The following CDH18 variants were observed in gnomAD, a reference collection of about 807,000 sequenced individuals.
The protein encoded by CDH18 is cadherin-18.
In CDH18, 31 loss-of-function variants were observed where a neutral mutation model predicts 67.9. The observed-to-expected ratio is 0.46, with a 90% CI of 0.34 to 0.62. The LOEUF (loss-of-function observed/expected upper bound fraction) is 0.62, where lower values mean the gene tolerates loss of function less well. Ranked by LOEUF, CDH18 falls within the 20% of genes least tolerant of loss-of-function variation. CDH18 has a pLI of 0.01. For synonymous variants in CDH18, 362 were observed against 347.2 expected, an observed-to-expected ratio of 1.04 and a Z score of -0.48; for missense variants, 890 against 975.5, an observed-to-expected ratio of 0.91 and a Z score of 1.17.
chr5:19,794,190 G>A (rs940601681), intron 3 of CDH18, among the ~76,000 whole-genome samples: 1 of 152,000 alleles, frequency 6.6e-6, no homozygotes, highest in African/African-American at 2.4e-5. Flanking sequence ...CATCCTGACT[G>A]GGCTAAGGGA....
chr5:19,588,257 A>G (rs1232814895), intron 7 of CDH18, among the ~76,000 whole-genome samples: 1 of 152,014 alleles, frequency 6.6e-6, no homozygotes, highest in Admixed American at 6.6e-5. Flanking sequence ...CTCTCTTCCT[A>G]TCTGAATACC....
intron 1 of CDH18, among the ~76,000 whole-genome samples, chr5:20,345,917 A>G (rs551971183): frequency 2.0e-4 from 31 of 152,270 alleles, no homozygotes; most frequent in African/African-American, 7.5e-4. Flanking sequence ...GAATGTCACA[A>G]ATTATGCATG....
chr5:20,526,293 G>C (rs1756054727), intron 1 of CDH18, among the ~76,000 whole-genome samples: 1 of 152,066 alleles, frequency 6.6e-6, no homozygotes, highest in Non-Finnish European at 1.5e-5. Context: ...GCGGGGAGGG[G>C]CAGCCATGGT....
intron 10 of CDH18, among the ~76,000 whole-genome samples, chr5:19,517,322 T>G (rs188060085): frequency 6.6e-6 from 1 of 152,272 alleles, no homozygotes; most frequent in East Asian, 1.9e-4. Context: ...CAAATTGGAT[T>G]TTATCTTCTG....
chr5:20,003,624 G>A (rs1736628586), intron 2 of CDH18, among the ~76,000 whole-genome samples: 1 of 152,006 alleles, frequency 6.6e-6, no homozygotes, highest in African/African-American at 2.4e-5. Context: ...GCCGGTCGCG[G>A]TGGCTCAAGC....
At chr5:20,193,663 C>T (rs754130790) in intron 2 of CDH18, among the ~76,000 whole-genome samples, 5 of 152,062 alleles carry the variant, frequency 3.3e-5, no homozygotes, top group Non-Finnish European at 5.9e-5. Flanking sequence ...AAACTTAATG[C>T]CAATATCCCT....
intron 9 of CDH18, among the ~76,000 whole-genome samples, chr5:19,526,662 G>A (rs1252324879): frequency 6.6e-6 from 1 of 151,918 alleles, no homozygotes; most frequent in Non-Finnish European, 1.5e-5. Context: ...ATTTAAATAT[G>A]TGCCACCCAA....
intron 2 of CDH18, among the ~76,000 whole-genome samples, chr5:19,843,863 T>C (rs1782622201): frequency 6.6e-6 from 1 of 152,198 alleles, no homozygotes; most frequent in South Asian, 2.1e-4. Flanking sequence ...TTAATGACTG[T>C]CCCGCTAGAT....
At chr5:20,301,701 A>G (rs1735921873) in intron 1 of CDH18, among the ~76,000 whole-genome samples, 1 of 152,172 alleles carries the variant, frequency 6.6e-6, no homozygotes, top group Non-Finnish European at 1.5e-5. Flanking sequence ...GCTCTCAGTG[A>G]AAACTTGTTT....
chr5:19,734,710 C>G (rs1282567437), intron 4 of CDH18, among the ~76,000 whole-genome samples: 1 of 152,110 alleles, frequency 6.6e-6, no homozygotes. Flanking sequence ...GTGCTGCCCA[C>G]CCCCTGCCCA....
intron 2 of CDH18, among the ~76,000 whole-genome samples, chr5:19,923,482 T>C (rs968609584): frequency 1.6e-4 from 24 of 152,198 alleles, no homozygotes; most frequent in African/African-American, 5.8e-4. Flanking sequence ...ACTATCTTTG[T>C]CATTTACCTA....
At chr5:20,284,265 TAAAG>T (rs1308234657) in intron 1 of CDH18, among the ~76,000 whole-genome samples, 4 of 152,088 alleles carry the variant, frequency 2.6e-5, no homozygotes, top group South Asian at 2.1e-4. Context: ...GTTTGTCACA[TAAAG>T]AAAGGATACA....
At chr5:20,102,028 G>T (rs1215546492) in intron 2 of CDH18, among the ~76,000 whole-genome samples, 2 of 152,078 alleles carry the variant, frequency 1.3e-5, no homozygotes, top group East Asian at 1.9e-4. Flanking sequence ...CTGAGATCGC[G>T]CCACTGTACT....
At chr5:19,514,218 G>T (rs1745570079) in intron 10 of CDH18, among the ~76,000 whole-genome samples, 1 of 152,136 alleles carries the variant, frequency 6.6e-6, no homozygotes, top group African/African-American at 2.4e-5. Context: ...GTGTATATGT[G>T]CCACATTTTC....
intron 2 of CDH18, among the ~76,000 whole-genome samples, chr5:19,969,825 C>T (rs1797848219): frequency 6.6e-6 from 1 of 151,548 alleles, no homozygotes; most frequent in African/African-American, 2.4e-5. Flanking sequence ...GCACATGTAC[C>T]CTAAAACTTA....
rs1468325838 is a variant in CDH18, at chr5:19,582,565, G to A, written c.999+8492C>T. ...TGGAATTCCTCTATCAGCTGTGGCT[G>A]AAAAGAATAACTTTTCAGACTTTAG... On this transcript the variant is annotated intron_variant, in intron 7 of 12. Coordinates refer to ENST00000382275, the MANE Select transcript of CDH18 (RefSeq NM_004934.5). Among the ~76,000 whole-genome samples the A allele has an allele frequency of 2.6e-5, 4 of 152,100 alleles. No individual in the cohort carries two copies. In the South Asian group the frequency reaches 8.3e-4, roughly 32 times the overall value.
chr5:19,548,752 C>CTTT (rs5866388), intron 8 of CDH18, among the ~76,000 whole-genome samples: 8 of 137,846 alleles, frequency 5.8e-5, no homozygotes, highest in Non-Finnish European at 6.3e-5. Context: ...TATTTATCAG[C>CTTT]TTTTTTTTTT....
intron 2 of CDH18, among the ~76,000 whole-genome samples, chr5:20,131,764 T>A (rs1435968221): frequency 6.6e-5 from 10 of 152,326 alleles, no homozygotes; most frequent in African/African-American, 2.4e-4. Context: ...ACTACACCAC[T>A]TTAAGGACAT....
rs374580803 is a variant in CDH18, at chr5:19,839,912, G to GA, written c.-256-671dup. ...TTATCTAAAGACAGGATTAAAGAAA[G>GA]AAAAAAATAGCGGTAAATAAACAGA... On this transcript the variant is annotated intron_variant, in intron 2 of 12. Coordinates refer to ENST00000382275, the MANE Select transcript of CDH18 (RefSeq NM_004934.5). Among the ~76,000 whole-genome samples the GA allele has an allele frequency of 3.2e-3, 482 of 151,894 alleles. 2 individuals are homozygous for GA. Among genetic ancestry groups the GA allele is most frequent in the African/African-American group, 9.3e-3 (387 of 41,462 alleles).
Sources: gnomAD v4.1 joint callset for allele counts (sites outside exome capture counted in the v4.1 genomes callset) on GRCh38, gnomAD v4.1.1 for gene constraint, MANE v1.5 for transcripts, NCBI Gene and HGNC (gene_info 2026-07-23, HGNC 2026-07-21) for gene names.